PIWIL1: variants seen among roughly 807,000 people sequenced by gnomAD.
PIWIL1 encodes piwi-like protein 1.
In PIWIL1, 73 loss-of-function variants were observed where a neutral mutation model predicts 114.4. The ratio of observed to expected loss-of-function variants is 0.64; its 90% CI spans 0.53 to 0.78. The LOEUF is 0.78. PIWIL1 is among the 30% of genes least tolerant of loss of function. PIWIL1 has a pLI of 0.00. For synonymous variants in PIWIL1, 375 were observed against 369.0 expected, an observed-to-expected ratio of 1.02 and a Z score of -0.19; for missense variants, 723 against 1,063.1, an observed-to-expected ratio of 0.68 and a Z score of 4.45.
the PIWIL1 span, among the ~76,000 whole-genome samples, chr12:130,419,107 AG>A: frequency 5.9e-5 from 9 of 152,232 alleles, no homozygotes; most frequent in Non-Finnish European, 1.0e-4. The surrounding 1 kb of genome is among the most constrained non-coding windows in gnomAD (Gnocchi z 4.3). Flanking sequence ...AAACCTCGAC[AG>A]GGAAAGAGTA....
intron 3 of PIWIL1, 128 bp from the exon 4 acceptor site, chr12:130,345,625 G>A: frequency 1.1e-6 from 1 of 922,570 alleles, no homozygotes; most frequent in Non-Finnish European, 1.7e-6. Context: ...ATGTTGATAG[G>A]ATTGTTTTAT....
intron 9 of PIWIL1, among the ~76,000 whole-genome samples, chr12:130,353,566 T>C (rs1186386019): frequency 6.6e-6 from 1 of 152,134 alleles, no homozygotes; most frequent in African/African-American, 2.4e-5. Context: ...TCAAACAAAG[T>C]CTGTCATGGT....
At position 130,357,585 on chromosome 12, in the gene PIWIL1, C is replaced by A. The variant is rs199951275; in HGVS notation, c.1665+32C>A. On this transcript the variant is annotated intron_variant, in intron 14 of 20. Coordinates refer to ENST00000245255, the MANE Select transcript of PIWIL1 (RefSeq NM_004764.5). The stretch of plus-strand genomic sequence containing the variant: ...AACTAATTGACATATAGGCAGTTTT[C>A]GGTGAAAGAGCTTTTTCAAAGGGGG... 7.4e-4 allele frequency: 1,079 copies of A among 1,457,120 alleles called. 2 individuals carry two copies. The highest frequency in any genetic ancestry group is 8.7e-4 in the Non-Finnish European group (909 of 1,040,076). 90.3% of individuals were successfully genotyped at this position (1,457,120 alleles called of 1,614,324 possible).
At chr12:130,402,108 G>A in the PIWIL1 span, among the ~76,000 whole-genome samples, 2 of 152,192 alleles carry the variant, frequency 1.3e-5, no homozygotes, top group African/African-American at 4.8e-5. Context: ...CATGTACCAT[G>A]TCACTCCCTT....
At chr12:130,376,351 C>T (rs182418025), downstream of PIWIL1, among the ~76,000 whole-genome samples, 168 of 152,338 alleles carry the variant, frequency 1.1e-3, no homozygotes, top group Middle Eastern at 0.014. Context: ...CAGCACATGA[C>T]GTGTAGCCTC....
chr12:130,370,847 G>A (rs564576111), intron 19 of PIWIL1, among the ~76,000 whole-genome samples: 1 of 151,110 alleles, frequency 6.6e-6, no homozygotes, highest in African/African-American at 2.5e-5. Flanking sequence ...CACATGGTTC[G>A]GGGGTCGGGG....
At chr12:130,396,490 T>A in the PIWIL1 span, 12 of 152,730 alleles carry the variant, frequency 7.9e-5, no homozygotes, top group Admixed American at 7.8e-4. Flanking sequence ...TATGGACTCA[T>A]TTGGAGCAGA....
At chr12:130,420,278 TAG>T in the PIWIL1 span, among the ~76,000 whole-genome samples, 4 of 152,198 alleles carry the variant, frequency 2.6e-5, no homozygotes, top group Non-Finnish European at 5.9e-5. This position sits in a 1 kb window ranked among gnomAD's most constrained non-coding sequence, Gnocchi z 4.3. Context: ...AGTATCTGGT[TAG>T]AGTTATTTTA....
chr12:130,342,344 A>C (rs2072944402), intron 1 of PIWIL1: 1 of 530,056 alleles, frequency 1.9e-6, no homozygotes, highest in Middle Eastern at 5.0e-4. Context: ...GTCTTATATT[A>C]AAATAGGTTT....
At chr12:130,355,498 T>C (rs2073339472) in intron 11 of PIWIL1, 55 bp from the exon 12 acceptor site, 1 of 1,280,672 alleles carries the variant, frequency 7.8e-7, no homozygotes, top group Non-Finnish European at 1.1e-6. Context: ...TGTTTGACTG[T>C]GTCTTCTTGC....
In PIWIL1 at chr12:130,371,943, G is replaced by A. The variant is rs953228540; in HGVS notation, c.*345G>A. The A allele has an allele frequency of 3.1e-5, 5 of 160,932 alleles. No individual in the cohort carries two copies. Among genetic ancestry groups the A allele is most frequent in the African/African-American group, 1.2e-4 (5 of 41,684 alleles). The allele number at this position is 160,932 out of a possible 1,614,324, so 10.0% of individuals were successfully genotyped here. On this transcript the variant is annotated 3_prime_UTR_variant, in exon 21 of 21. Transcript: ENST00000245255. ...TACTTAAACGTACTTTCAGGAGTGA[G>A]CAAGTCCTACTTATAAACCTATATT...
At chr12:130,415,506 C>T in the PIWIL1 span, among the ~76,000 whole-genome samples, 1 of 152,230 alleles carries the variant, frequency 6.6e-6, no homozygotes, top group Admixed American at 6.5e-5. Flanking sequence ...GCAAGGATGC[C>T]TGCTCTCACC....
At chr12:130,365,951 A>T (rs1751731403) in intron 18 of PIWIL1, among the ~76,000 whole-genome samples, 1 of 152,240 alleles carries the variant, frequency 6.6e-6, no homozygotes, top group Admixed American at 6.5e-5. Flanking sequence ...GCGTAGGCAG[A>T]TAGGGACATT....
At chr12:130,374,212 C>T (rs1025446281), downstream of PIWIL1, among the ~76,000 whole-genome samples, 1 of 152,170 alleles carries the variant, frequency 6.6e-6, no homozygotes, top group Non-Finnish European at 1.5e-5. Flanking sequence ...GAGTAATCTC[C>T]TGAACCTGCT....
At chr12:130,376,296 T>A (rs1208842995), downstream of PIWIL1, among the ~76,000 whole-genome samples, 1 of 152,206 alleles carries the variant, frequency 6.6e-6, no homozygotes, top group African/African-American at 2.4e-5. Flanking sequence ...AATTAAAACA[T>A]CTAAAAATAT....
rs749183456 is a variant in PIWIL1, at chr12:130,349,278, G to C, written c.774G>C (p.Gln258His). Residue 258 changes from glutamine to histidine, a missense_variant, in exon 8 of 21, where the codon CAG becomes CAC. Physicochemically the swap from Gln to His is conservative, Grantham distance 24. Around this residue, in one of 8 missense-constraint regions of PIWIL1, gnomAD observed 190 missense variants for 294.4 expected, o/e 0.65. Coordinates refer to ENST00000245255, the MANE Select transcript of PIWIL1 (RefSeq NM_004764.5). The part of the protein sequence containing the change: ...IWPGFTTSIL[Q>H]YENSIMLCTD... Reference sequence around the variant, plus strand: ...CTGGCTTCACTACTTCCATCCTTCAGTATGAAAACAGCATCATGCTCTGCA... The same window carrying C: ...CTGGCTTCACTACTTCCATCCTTCACTATGAAAACAGCATCATGCTCTGCA... 4 of 1,613,834 alleles carry C rather than the reference G, an allele frequency of 2.5e-6. No individual in the cohort carries two copies. The highest frequency in any genetic ancestry group is 1.3e-5 in the African/African-American group (1 of 74,912).
chr12:130,378,110 T>C, the PIWIL1 span, among the ~76,000 whole-genome samples: 31,622 of 152,082 alleles, frequency 0.21, 3,835 homozygotes, highest in African/African-American at 0.33. Flanking sequence ...CACCATCAAG[T>C]TTTAGAGAAT....
chr12:130,342,721 G>C (rs1322233939), intron 2 of PIWIL1, 52 bp downstream of exon 2: 1 of 1,386,786 alleles, frequency 7.2e-7, no homozygotes, highest in African/African-American at 1.4e-5. Flanking sequence ...CTCTTGATCA[G>C]CCTAGGCTGT....
At position 130,350,103 on chromosome 12, in the gene PIWIL1, A is replaced by C; in HGVS notation, c.1044+136A>C. The C allele has an allele frequency of 5.4e-6, 3 of 554,594 alleles. No individual in the cohort carries two copies. In the South Asian group the frequency reaches 7.6e-5, roughly 14 times the overall value. The allele number at this position is 554,594 out of a possible 1,614,324, so 34.4% of individuals were successfully genotyped here. ...TATTTGTTAGGGCAATCACAGCATA[A>C]TTTTATTCATTACCAAATTATTAAA... is the stretch of plus-strand genomic sequence containing the variant. On this transcript the variant is annotated intron_variant, in intron 9 of 20. Coordinates refer to ENST00000245255, the MANE Select transcript of PIWIL1 (RefSeq NM_004764.5).
Sources: gnomAD v4.1 joint callset for allele counts (sites outside exome capture counted in the v4.1 genomes callset) on GRCh38, gnomAD v4.1.1 for gene constraint, gnomAD v4.1.1 regional missense constraint, Gnocchi (gnomAD v3.1) non-coding constraint, MANE v1.5 for transcripts, NCBI Gene and HGNC (gene_info 2026-07-23, HGNC 2026-07-21) for gene names.